Variants in LMAN1L observed in about 807,000 individuals in gnomAD.
The protein encoded by LMAN1L is protein ERGIC-53-like.
LMAN1L carries 60 observed loss-of-function variants against 58.3 expected under a neutral mutation model. That is an observed-to-expected ratio of 1.03 (90% CI 0.84 to 1.27). The LOEUF is 1.27. Ranked by LOEUF, LMAN1L falls within the 50% of genes most tolerant of loss-of-function variation. The pLI, the probability that LMAN1L is intolerant of heterozygous loss-of-function variation, is 0.00. For missense variants in LMAN1L, 629 were observed against 674.0 expected (o/e 0.93, Z 0.74); for synonymous variants, 280 against 271.6 (o/e 1.03, Z -0.31).
intron 1 of LMAN1L, chr15:74,813,422 G>A (rs1477611188): frequency 2.2e-6 from 1 of 460,536 alleles, no homozygotes; most frequent in Non-Finnish European, 4.3e-6. Context: ...CATCCCAGCG[G>A]GCCTGTGGCT....
chr15:74,816,114 G>T (rs1021215945), intron 1 of LMAN1L, 43 bp from the exon 2 acceptor site: 1 of 1,526,138 alleles, frequency 6.6e-7, no homozygotes, highest in African/African-American at 1.4e-5. Flanking sequence ...AGGGGGAGAT[G>T]GGGTGTAGTG....
chr15:74,816,331 G>A lies in LMAN1L; in HGVS notation c.330+20G>A. 1 of 1,610,684 alleles carries A rather than the reference G, an allele frequency of 6.2e-7. No homozygotes were observed. The highest frequency in any genetic ancestry group is 8.5e-7 in the Non-Finnish European group (1 of 1,179,646). On this transcript the variant is annotated intron_variant, in intron 2 of 13. Coordinates refer to ENST00000309664, the MANE Select transcript of LMAN1L (RefSeq NM_021819.3). ...GGCATGGTGAGTGTCCTCTCCCAGAGCTGACAGAGCGGGGTGGGTCAGGGA... is the reference window on the plus strand; with the variant it reads ...GGCATGGTGAGTGTCCTCTCCCAGAACTGACAGAGCGGGGTGGGTCAGGGA...
In LMAN1L at chr15:74,813,035, G is replaced by T; in HGVS notation, c.175+6G>T. ...CTTCTGGAGCCATCATGGAGGTGAG[G>T]GGCAGGGGTGGGGACCAGCTATGCC... On this transcript the variant is annotated splice_donor_region_variant and intron_variant, in intron 1 of 13. Transcript: ENST00000309664. The T allele has an allele frequency of 1.2e-6, 2 of 1,608,392 alleles. No individual in the cohort carries two copies. The highest frequency in any genetic ancestry group is 1.7e-6 in the Non-Finnish European group (2 of 1,176,820).
intron 1 of LMAN1L, among the ~76,000 whole-genome samples, chr15:74,815,489 C>T (rs1002903086): frequency 6.6e-6 from 1 of 152,236 alleles, no homozygotes; most frequent in Admixed American, 6.5e-5. Context: ...GCCCCACCAC[C>T]GCCAGTGGCA....
chr15:74,821,411 G>A (rs887351705), intron 9 of LMAN1L, among the ~76,000 whole-genome samples, 185 bp downstream of exon 9: 11 of 152,216 alleles, frequency 7.2e-5, no homozygotes, highest in African/African-American at 2.4e-4. Flanking sequence ...AATGCGCACG[G>A]GGCTGGGGCT....
rs1172214384 is a variant in LMAN1L at position 74,822,668 on chromosome 15, C to T, written c.1158C>T (p.Leu386=). 4.3e-6 allele frequency: 7 copies of T among 1,613,950 alleles called. No homozygotes were observed. The highest frequency in any genetic ancestry group is 1.6e-4 in the Middle Eastern group (1 of 6,084). ...ACTCTGCCAAGGTCGGTGCCCTGCT[C>T]CATGGACAGTGGACTCTGCTCCAGG... The part of the protein sequence containing the change: ...NKDSAKVGAL[L]HGQWTLLQAL... The change falls in exon 11 of 14, where the codon CTC becomes CTT. Residue 386 remains leucine, a synonymous_variant. Coordinates refer to ENST00000309664, the MANE Select transcript of LMAN1L (RefSeq NM_021819.3).
At chr15:74,819,985 T>C in intron 6 of LMAN1L, 59 bp from the exon 7 acceptor site, 1 of 1,514,236 alleles carries the variant, frequency 6.6e-7, no homozygotes, top group South Asian at 1.1e-5. Flanking sequence ...GGGTGAAGGC[T>C]GAGCGAGGGG....
intron 7 of LMAN1L, 140 bp from the exon 8 acceptor site, chr15:74,820,495 C>A: frequency 1.8e-6 from 2 of 1,094,396 alleles, no homozygotes; most frequent in Non-Finnish European, 1.4e-6. Context: ...TGCGTGAAGG[C>A]AGAACTCAGA....
Position 74,818,814 on chromosome 15 carries a change from GCGCGTGAGTCACCCTTCCTGCTTCTGA to G in LMAN1L, c.596_597+25del. The G allele has an allele frequency of 6.2e-7, 1 of 1,606,834 alleles. No individual in the cohort carries two copies. The highest frequency in any genetic ancestry group is 1.3e-5 in the African/African-American group (1 of 74,950). On this transcript the variant is annotated splice_donor_variant and splice_donor_5th_base_variant and coding_sequence_variant and intron_variant, in exon 5 of 14. Coordinates refer to ENST00000309664, the MANE Select transcript of LMAN1L (RefSeq NM_021819.3). LOFTEE classifies it high-confidence loss of function. Reference sequence around the variant, plus strand: ...GGATCACCTACTGGGGGCAGAGGCTGCGCGTGAGTCACCCTTCCTGCTTCTGACAGGGCTCTGAGTTACAGAGCTGCT... The same window carrying G: ...GGATCACCTACTGGGGGCAGAGGCTGCAGGGCTCTGAGTTACAGAGCTGCT...
rs1187957898 is a variant in LMAN1L, at chr15:74,823,956, A to G, written c.1323+274A>G. The G allele has an allele frequency of 1.5e-5, 8 of 519,626 alleles. No individual in the cohort carries two copies. In the East Asian group the frequency reaches 2.0e-4, roughly 13 times the overall value. 32.2% of individuals were successfully genotyped at this position (519,626 alleles called of 1,614,324 possible). ...TGGACACCCCTCGATCCAATATCCAATGACCAGAGGGGAAACAGGGTGGGC... is the reference window on the plus strand; with the variant it reads ...TGGACACCCCTCGATCCAATATCCAGTGACCAGAGGGGAAACAGGGTGGGC... On this transcript the variant is annotated intron_variant, in intron 12 of 13. Coordinates refer to ENST00000309664, the MANE Select transcript of LMAN1L (RefSeq NM_021819.3).
intron 7 of LMAN1L, chr15:74,820,425 A>T: frequency 1.8e-5 from 12 of 684,954 alleles, no homozygotes; most frequent in Non-Finnish European, 5.0e-6. Context: ...AGCTTAAAGG[A>T]GCCTCGGACC....
rs1304767144 is a variant in LMAN1L at position 74,823,539 on chromosome 15, T to G, written c.1200-20T>G. ...AGAAGAGGTAATGAGTCATCTTACT[T>G]GGTTACCACCCCCGGTTAGGGATGC... On this transcript the variant is annotated intron_variant, in intron 11 of 13. Coordinates refer to ENST00000309664, the MANE Select transcript of LMAN1L (RefSeq NM_021819.3). The G allele has an allele frequency of 1.2e-6, 2 of 1,613,154 alleles. No individual in the cohort carries two copies. Among genetic ancestry groups the G allele is most frequent in the East Asian group, 2.2e-5 (1 of 44,862 alleles).
chr15:74,816,144 C>T lies in LMAN1L; in HGVS notation c.176-13C>T, dbSNP rs765027495. On this transcript the variant is annotated splice_polypyrimidine_tract_variant and intron_variant, in intron 1 of 13. Transcript: ENST00000309664. ...GTAGTGGAGCCTGGGGCTTGAGCTG[C>T]CCTTGTCCACAGACGCCATCCTGGG... The T allele has an allele frequency of 6.5e-7, 1 of 1,544,710 alleles. No individual in the cohort carries two copies. Among genetic ancestry groups the T allele is most frequent in the South Asian group, 1.2e-5 (1 of 83,940 alleles).
chr15:74,823,123 C>T (rs898436120), intron 11 of LMAN1L, among the ~76,000 whole-genome samples: 1 of 152,170 alleles, frequency 6.6e-6, no homozygotes, highest in Non-Finnish European at 1.5e-5. Flanking sequence ...TTCCCGGTAT[C>T]CCACTCTAGG....
intron 1 of LMAN1L, among the ~76,000 whole-genome samples, chr15:74,815,351 C>T (rs2063885805): frequency 6.6e-6 from 1 of 152,194 alleles, no homozygotes; most frequent in African/African-American, 2.4e-5. Context: ...AGGTTCCAGG[C>T]TGGCAGGTTG....
chr15:74,821,809 C>T lies in LMAN1L; in HGVS notation c.1060-20C>T, dbSNP rs2063918075. ...GGGGACTTACACTCCAGGGCCAAGCCTCTCTGATCCTATCCCCAGGCCCTG... is the reference window on the plus strand; with the variant it reads ...GGGGACTTACACTCCAGGGCCAAGCTTCTCTGATCCTATCCCCAGGCCCTG... On this transcript the variant is annotated intron_variant, in intron 9 of 13. Transcript: ENST00000309664. 6.3e-7 allele frequency: 1 copy of T among 1,587,864 alleles called. No homozygotes were observed. The highest frequency in any genetic ancestry group is 8.6e-7 in the Non-Finnish European group (1 of 1,157,764).
At chr15:74,814,528 C>T (rs1388757452) in intron 1 of LMAN1L, among the ~76,000 whole-genome samples, 1 of 152,128 alleles carries the variant, frequency 6.6e-6, no homozygotes, top group African/African-American at 2.4e-5. Flanking sequence ...TGCCTGCCAC[C>T]ACCCCCAGCT....
At chr15:74,820,558 G>C (rs2063911785) in intron 7 of LMAN1L, 77 bp from the exon 8 acceptor site, 3 of 1,587,000 alleles carry the variant, frequency 1.9e-6, no homozygotes, top group Admixed American at 1.7e-5. Context: ...GGCTCGTGGG[G>C]AAGCCTGTGG....
chr15:74,814,273 A>G (rs1367547562), intron 1 of LMAN1L, among the ~76,000 whole-genome samples: 3 of 151,016 alleles, frequency 2.0e-5, no homozygotes, highest in Non-Finnish European at 4.4e-5. Context: ...GGCTCACTGC[A>G]ACCTTCACCT....
Sources: gnomAD v4.1 joint callset for allele counts (sites outside exome capture counted in the v4.1 genomes callset) on GRCh38, gnomAD v4.1.1 for gene constraint, MANE v1.5 for transcripts, NCBI Gene and HGNC (gene_info 2026-07-23, HGNC 2026-07-21) for gene names.